The following NELL1 variants were observed in gnomAD, a reference collection of about 807,000 sequenced individuals.
NELL1 encodes the protein protein kinase C-binding protein NELL1.
A neutral mutation model predicts 107.4 loss-of-function variants in NELL1; 76 were observed. That is an observed-to-expected ratio of 0.71 (90% confidence interval 0.59 to 0.86). NELL1 has a LOEUF of 0.86. Among genes scored for constraint, NELL1 ranks in the 40% least tolerant of loss-of-function variants. NELL1 has a pLI of 0.00. For missense variants in NELL1, 1,024 were observed against 1,005.5 expected (o/e 1.02, Z -0.25); for synonymous variants, 353 against 341.2 (o/e 1.03, Z -0.38).
chr11:21,474,977 G>T (rs372559265), intron 15 of NELL1, among the ~76,000 whole-genome samples: 1 of 152,024 alleles, frequency 6.6e-6, no homozygotes, highest in East Asian at 1.9e-4. Context: ...GAACTGGAAG[G>T]CATCTTAGAG....
intron 15 of NELL1, among the ~76,000 whole-genome samples, chr11:21,431,316 T>C (rs1010352694): frequency 2.0e-5 from 3 of 152,212 alleles, no homozygotes; most frequent in African/African-American, 7.2e-5. Flanking sequence ...AAAAATCCTT[T>C]TCCTTTCCAA....
chr11:21,109,918 T>A (rs1180084596), intron 12 of NELL1, among the ~76,000 whole-genome samples: 2 of 152,158 alleles, frequency 1.3e-5, no homozygotes, highest in African/African-American at 4.8e-5. Context: ...TCCCTGAGGA[T>A]GGAGAGGCAA....
intron 14 of NELL1, among the ~76,000 whole-genome samples, chr11:21,231,556 C>T (rs1450485928): frequency 1.3e-5 from 2 of 152,156 alleles, no homozygotes; most frequent in Non-Finnish European, 2.9e-5. Flanking sequence ...TGAGGAGCAA[C>T]ATAGGGATTT....
intron 19 of NELL1, among the ~76,000 whole-genome samples, chr11:21,573,921 C>G (rs1857162007): frequency 6.6e-6 from 1 of 151,680 alleles, no homozygotes; most frequent in South Asian, 2.1e-4. Flanking sequence ...ATCAGAGTGC[C>G]TAAGGTGGGG....
chr11:21,412,791 G>A (rs954300410), intron 15 of NELL1, among the ~76,000 whole-genome samples: 2 of 152,050 alleles, frequency 1.3e-5, no homozygotes, highest in Non-Finnish European at 2.9e-5. Flanking sequence ...CCTGGCCTGG[G>A]GAAGGGAGGG....
Position 20,957,704 on chromosome 11 carries a change from C to T in NELL1, c.1172-2728C>T, listed in dbSNP as rs1037201190. 2.6e-5 allele frequency among the ~76,000 whole-genome samples: 4 copies of T among 151,678 alleles called. No homozygotes were observed. The East Asian group carries it at 7.8e-4, about 29-fold the overall frequency. ...TAAGAGACTATCAAATTTGACTAAGCAGACTGAAAAAGAATCAAATAGGAT... is the reference window on the plus strand; with the variant it reads ...TAAGAGACTATCAAATTTGACTAAGTAGACTGAAAAAGAATCAAATAGGAT... On this transcript the variant is annotated intron_variant, in intron 11 of 19. Transcript: ENST00000357134.
At chr11:21,069,840 T>C (rs1452821795) in intron 12 of NELL1, among the ~76,000 whole-genome samples, 22 of 152,130 alleles carry the variant, frequency 1.4e-4, no homozygotes, top group Non-Finnish European at 1.5e-5. Flanking sequence ...CCACTTGCTA[T>C]CTGTGTGATC....
At chr11:20,680,622 C>G (rs764478763) in intron 2 of NELL1, among the ~76,000 whole-genome samples, 2 of 152,040 alleles carry the variant, frequency 1.3e-5, no homozygotes, top group Non-Finnish European at 2.9e-5. Flanking sequence ...GTCACTGGTC[C>G]CAGACAATTG....
Position 21,575,020 on chromosome 11 carries a change from T to C in NELL1, c.2431T>C (p.Ter811ArgextTer14). The C allele has an allele frequency of 6.2e-7, 1 of 1,609,268 alleles. No individual in the cohort carries two copies. ...SVDFECLQNN* is the reference protein window; with the variant it reads ...SVDFECLQNNR ...GGATTTTGAGTGTCTTCAAAATAAT[T>C]GAAGTATTTACAGTGGACTCAACGC... Residue 811 changes from the stop codon to arginine (R), a stop_lost, in exon 20 of 20, where the codon TGA becomes CGA. Coordinates refer to ENST00000357134, the MANE Select transcript of NELL1 (RefSeq NM_006157.5).
chr11:21,534,389 C>G lies in NELL1; in HGVS notation c.1661C>G (p.Ser554Ter), dbSNP rs1313982684. ...TCTGAGGCAGATATTGATGAATGTT[C>G]AGAGGGAATCATTGAGTGCCACAAC... ...SHCEKDIDEC[S>*]EGIIECHNHS... Residue 554 changes from serine (S) to a stop codon, truncating the protein, a stop_gained, in exon 16 of 20, where the codon TCA becomes TGA. Coordinates refer to ENST00000357134, the MANE Select transcript of NELL1 (RefSeq NM_006157.5). LOFTEE classifies it high-confidence loss of function. 2 of 1,613,810 alleles carry G rather than the reference C, an allele frequency of 1.2e-6. No individual in the cohort carries two copies. Among genetic ancestry groups the G allele is most frequent in the East Asian group, 4.5e-5 (2 of 44,860 alleles).
chr11:21,411,384 TG>T (rs1852372563), intron 15 of NELL1, among the ~76,000 whole-genome samples: 2 of 151,924 alleles, frequency 1.3e-5, no homozygotes, highest in Non-Finnish European at 2.9e-5. Context: ...CCTGGAGGAG[TG>T]TTTGTTTTCA....
At chr11:21,115,009 T>A (rs1855197887) in intron 13 of NELL1, among the ~76,000 whole-genome samples, 1 of 151,928 alleles carries the variant, frequency 6.6e-6, no homozygotes, top group South Asian at 2.1e-4. Context: ...TTAATAAACA[T>A]TAATTAAAGC....
At chr11:21,525,946 C>T (rs1855842886) in intron 15 of NELL1, among the ~76,000 whole-genome samples, 1 of 152,172 alleles carries the variant, frequency 6.6e-6, no homozygotes, top group Non-Finnish European at 1.5e-5. Flanking sequence ...CCTCCCAAAT[C>T]TCATGTTCTC....
intron 19 of NELL1, among the ~76,000 whole-genome samples, chr11:21,574,536 A>T (rs996141833): frequency 1.3e-5 from 2 of 151,854 alleles, no homozygotes; most frequent in African/African-American, 4.8e-5. Flanking sequence ...ATTTTATGCA[A>T]ACCTTACTGG....
chr11:21,189,535 G>A (rs932148748), intron 13 of NELL1, among the ~76,000 whole-genome samples: 1 of 151,606 alleles, frequency 6.6e-6, no homozygotes, highest in Admixed American at 6.6e-5. Context: ...CTTTAGACAA[G>A]GCATGTGCAT....
At chr11:21,191,458 C>T (rs531796504) in intron 13 of NELL1, among the ~76,000 whole-genome samples, 11 of 151,916 alleles carry the variant, frequency 7.2e-5, no homozygotes, top group Admixed American at 5.9e-4. Flanking sequence ...AACAACACTG[C>T]CAGTACCTTT....
At chr11:20,834,848 G>A (rs1848502363) in intron 3 of NELL1, among the ~76,000 whole-genome samples, 1 of 152,126 alleles carries the variant, frequency 6.6e-6, no homozygotes, top group African/African-American at 2.4e-5. Flanking sequence ...TTGCATAACT[G>A]GTGACACCCG....
intron 13 of NELL1, among the ~76,000 whole-genome samples, chr11:21,219,760 G>A (rs1857707178): frequency 1.3e-5 from 2 of 152,092 alleles, no homozygotes. Flanking sequence ...TAAGTTGCTG[G>A]CACTTTTGTC....
At position 21,105,061 on chromosome 11, in the gene NELL1, T is replaced by TG. The variant is rs548464583; in HGVS notation, c.1301-8521dup. Among the ~76,000 whole-genome samples, 233 of 152,114 alleles carry TG rather than the reference T, an allele frequency of 1.5e-3. 1 individual carries two copies. Among genetic ancestry groups the TG allele is most frequent in the Non-Finnish European group, 2.9e-3 (199 of 67,974 alleles). On this transcript the variant is annotated intron_variant, in intron 12 of 19. Coordinates refer to ENST00000357134, the MANE Select transcript of NELL1 (RefSeq NM_006157.5). The stretch of plus-strand genomic sequence containing the variant: ...GAGGTAGGGCTTCCACATATGAATT[T>TG]GGGGGGGACACAGTTCAGTTCATAG...
Sources: allele counts gnomAD v4.1 joint callset (sites outside exome capture counted in the v4.1 genomes callset), GRCh38; gene constraint gnomAD v4.1.1; transcripts MANE v1.5; gene names NCBI Gene and HGNC (gene_info 2026-07-23, HGNC 2026-07-21).